Variants in GPR149 observed in about 807,000 individuals in gnomAD.
GPR149 encodes the protein G protein-coupled receptor 149.
GPR149 carries 50 observed loss-of-function variants against 50.2 expected under a neutral mutation model. That is an observed-to-expected ratio of 1.00 (90% CI 0.79 to 1.26). The LOEUF is 1.26. GPR149 is among the 50% of genes most tolerant of loss of function. The pLI is 0.00. For missense variants in GPR149, 983 were observed against 895.4 expected, an observed-to-expected ratio of 1.10 and a Z score of -1.25; for synonymous variants, 405 against 358.2, an observed-to-expected ratio of 1.13 and a Z score of -1.48.
chr3:154,427,661 C>T lies in GPR149; in HGVS notation c.1029G>A (p.Leu343=), dbSNP rs766811145. ...GGGTAAGTAGAAAGCTGAATGTCTCCAAGGGAAGGCTCTGAAACCCCACGA... is the reference window on the plus strand; with the variant it reads ...GGGTAAGTAGAAAGCTGAATGTCTCTAAGGGAAGGCTCTGAAACCCCACGA... The part of the protein sequence containing the change: ...QNVVGFQSLP[L]ETFSFLLTLL... Residue 343 remains leucine (L), a synonymous_variant, in exon 2 of 4, where the codon TTG becomes TTA. Transcript: ENST00000389740. The T allele has an allele frequency of 6.2e-7, 1 of 1,614,100 alleles. No individual in the cohort carries two copies. Among genetic ancestry groups the T allele is most frequent in the East Asian group, 2.2e-5 (1 of 44,870 alleles).
chr3:154,368,598 T>C (rs1714594880), intron 3 of GPR149, among the ~76,000 whole-genome samples: 1 of 152,234 alleles, frequency 6.6e-6, no homozygotes, highest in East Asian at 1.9e-4. Context: ...GTTGAATTGC[T>C]ATTTCAACCA....
At chr3:154,424,661 T>C (rs752852062) in intron 2 of GPR149, among the ~76,000 whole-genome samples, 4 of 151,808 alleles carry the variant, frequency 2.6e-5, no homozygotes, top group Non-Finnish European at 4.4e-5. Flanking sequence ...CTAGAATCTT[T>C]TGAAATTTAT....
chr3:154,400,545 C>A (rs981608527), intron 3 of GPR149, among the ~76,000 whole-genome samples: 1 of 152,158 alleles, frequency 6.6e-6, no homozygotes, highest in Non-Finnish European at 1.5e-5. Flanking sequence ...AAGATAATTT[C>A]TCTAGACACT....
intron 3 of GPR149, among the ~76,000 whole-genome samples, chr3:154,386,776 G>A (rs1715053193): frequency 1.3e-5 from 2 of 152,274 alleles, no homozygotes; most frequent in East Asian, 3.9e-4. Context: ...TATAGCTGAT[G>A]TTAAGATTTG....
intron 2 of GPR149, among the ~76,000 whole-genome samples, chr3:154,425,974 C>CT (rs34969123): frequency 0.48 from 73,338 of 151,820 alleles, 18,102 homozygotes; most frequent in African/African-American, 0.6. Flanking sequence ...TGGCACTAGA[C>CT]CATCCTTCTC....
At chr3:154,384,715 A>G (rs1198877118) in intron 3 of GPR149, among the ~76,000 whole-genome samples, 1 of 152,214 alleles carries the variant, frequency 6.6e-6, no homozygotes, top group African/African-American at 2.4e-5. Context: ...GCTAGAGTCC[A>G]AAATCTACCC....
At chr3:154,409,646 C>G (rs1404571316) in intron 3 of GPR149, among the ~76,000 whole-genome samples, 1 of 152,016 alleles carries the variant, frequency 6.6e-6, no homozygotes, top group African/African-American at 2.4e-5. Context: ...AGCTCAAAGA[C>G]AGGCTTTTGA....
At chr3:154,358,157 G>A (rs1415220890) in intron 3 of GPR149, among the ~76,000 whole-genome samples, 2 of 151,970 alleles carry the variant, frequency 1.3e-5, no homozygotes, top group Non-Finnish European at 2.9e-5. Flanking sequence ...GGGGGTGTGG[G>A]GAGGGATAGC....
chr3:154,406,535 A>C (rs1559987050), intron 3 of GPR149, among the ~76,000 whole-genome samples: 1 of 152,206 alleles, frequency 6.6e-6, no homozygotes, highest in African/African-American at 2.4e-5. Flanking sequence ...TAAATTGACT[A>C]TGGTATATTC....
intron 3 of GPR149, among the ~76,000 whole-genome samples, chr3:154,382,968 G>T (rs1171561732): frequency 6.6e-6 from 1 of 152,112 alleles, no homozygotes; most frequent in Non-Finnish European, 1.5e-5. Context: ...CAGGATTAGG[G>T]TTGGGATGAG....
intron 3 of GPR149, among the ~76,000 whole-genome samples, chr3:154,343,988 C>CA (rs1027016251): frequency 1.1e-4 from 16 of 146,842 alleles, no homozygotes; most frequent in Non-Finnish European, 1.7e-4. Flanking sequence ...ACCGCCCCCC[C>CA]AAAAAAAAAG....
At chr3:154,422,175 C>A (rs1383228433) in intron 2 of GPR149, among the ~76,000 whole-genome samples, 3 of 151,394 alleles carry the variant, frequency 2.0e-5, no homozygotes, top group East Asian at 3.9e-4. Context: ...CTGATTATTA[C>A]AAGAAGAGTT....
At chr3:154,367,901 C>T (rs1714568226) in intron 3 of GPR149, among the ~76,000 whole-genome samples, 1 of 152,170 alleles carries the variant, frequency 6.6e-6, no homozygotes, top group African/African-American at 2.4e-5. Context: ...TCCTGTCTTT[C>T]CTTAGAATTC....
At chr3:154,406,028 G>A (rs1436863599) in intron 3 of GPR149, among the ~76,000 whole-genome samples, 1 of 151,882 alleles carries the variant, frequency 6.6e-6, no homozygotes, top group African/African-American at 2.4e-5. Flanking sequence ...TATAATGGAT[G>A]AAGAACTAAT....
At chr3:154,425,103 G>A (rs910512827) in intron 2 of GPR149, among the ~76,000 whole-genome samples, 1 of 151,926 alleles carries the variant, frequency 6.6e-6, no homozygotes, top group African/African-American at 2.4e-5. Context: ...GACACTAGTA[G>A]TACAGATTCT....
chr3:154,394,928 G>C (rs7633508), intron 3 of GPR149, among the ~76,000 whole-genome samples: 145,800 of 152,212 alleles, frequency 0.96, 69,927 homozygotes, highest in East Asian at 1. Flanking sequence ...CATTCCAACT[G>C]TTAGTAGCTT....
chr3:154,391,456 TA>T (rs1715166457), intron 3 of GPR149, among the ~76,000 whole-genome samples: 1 of 149,714 alleles, frequency 6.7e-6, no homozygotes, highest in Non-Finnish European at 1.5e-5. Flanking sequence ...AGAAGAGCCA[TA>T]AAAAAAGAGA....
At chr3:154,417,584 T>C (rs1712023155) in intron 3 of GPR149, among the ~76,000 whole-genome samples, 1 of 152,090 alleles carries the variant, frequency 6.6e-6, no homozygotes, top group Non-Finnish European at 1.5e-5. Flanking sequence ...AGATACAAAC[T>C]GATAAATTGA....
rs1354661417 is a variant in GPR149, at chr3:154,421,498, A to G, written c.1175-11T>C. Reference sequence around the variant, plus strand: ...AGCCTTTTCTCTTGACTGAGTAAAAATAAAAACAACAGTTTATGGCTAGTA... The same window carrying G: ...AGCCTTTTCTCTTGACTGAGTAAAAGTAAAAACAACAGTTTATGGCTAGTA... On this transcript the variant is annotated splice_polypyrimidine_tract_variant and intron_variant, in intron 2 of 3. Coordinates refer to ENST00000389740, the MANE Select transcript of GPR149 (RefSeq NM_001038705.3). 2 of 1,460,328 alleles carry G rather than the reference A, an allele frequency of 1.4e-6. No homozygotes were observed. The highest frequency in any genetic ancestry group is 2.3e-5 in the East Asian group (1 of 43,790). 90.5% of individuals were successfully genotyped at this position (1,460,328 alleles called of 1,614,324 possible).
Sources: gnomAD v4.1 joint callset for allele counts (sites outside exome capture counted in the v4.1 genomes callset) on GRCh38, gnomAD v4.1.1 for gene constraint, MANE v1.5 for transcripts, NCBI Gene and HGNC (gene_info 2026-07-23, HGNC 2026-07-21) for gene names.